MAVS: variants seen among roughly 807,000 people sequenced by gnomAD.
MAVS encodes mitochondrial antiviral signaling protein, also known as mitochondrial antiviral-signaling protein.
MAVS carries 20 observed loss-of-function variants against 30.2 expected under a neutral mutation model. The observed-to-expected ratio is 0.66, with a 90% CI of 0.47 to 0.96. The LOEUF (loss-of-function observed/expected upper bound fraction) is 0.96, where lower values mean the gene tolerates loss of function less well. Among genes scored for constraint, MAVS ranks in the 40% least tolerant of loss-of-function variants. MAVS has a pLI of 0.00. For synonymous variants in MAVS, 278 were observed against 293.9 expected (o/e 0.95, Z 0.55); for missense variants, 624 against 701.1 (o/e 0.89, Z 1.24).
intron 2 of MAVS, among the ~76,000 whole-genome samples, chr20:3,857,382 A>G (rs1183155302): frequency 1.3e-5 from 2 of 152,216 alleles, no homozygotes; most frequent in Non-Finnish European, 2.9e-5. Flanking sequence ...AAGATGATAC[A>G]TGCAAAGCCC....
Position 3,853,737 on chromosome 20 carries a change from T to A in MAVS, c.-67-821T>A, listed in dbSNP as rs1045112671. Among the ~76,000 whole-genome samples, 86 of 151,962 alleles carry A rather than the reference T, an allele frequency of 5.7e-4. 1 individual carries two copies. Among genetic ancestry groups the A allele is most frequent in the Non-Finnish European group, 3.2e-4 (22 of 67,978 alleles). On this transcript the variant is annotated intron_variant, in intron 1 of 6. Coordinates refer to ENST00000428216, the MANE Select transcript of MAVS (RefSeq NM_020746.5). Reference sequence around the variant, plus strand: ...TGAGCCCACGAGTTCGAGGCTGCAGTGAACTATTATTGCACCACTGCACCC... The same window carrying A: ...TGAGCCCACGAGTTCGAGGCTGCAGAGAACTATTATTGCACCACTGCACCC...
intron 1 of MAVS, among the ~76,000 whole-genome samples, chr20:3,847,989 T>C (rs1333454461): frequency 1.3e-5 from 2 of 152,200 alleles, no homozygotes; most frequent in African/African-American, 4.8e-5. Context: ...TCCTTTTGTT[T>C]GGGCCACATC....
At position 3,854,575 on chromosome 20, in the gene MAVS, C is replaced by G. The variant is rs753599148; in HGVS notation, c.-50C>G. On this transcript the variant is annotated 5_prime_UTR_variant, in exon 2 of 7. Transcript: ENST00000428216. ...TCTTCCAGTCTCGTTTCCTCTCAGTCCATCCACCCTTCATGGGGCCAGAGC... is the reference window on the plus strand; with the variant it reads ...TCTTCCAGTCTCGTTTCCTCTCAGTGCATCCACCCTTCATGGGGCCAGAGC... The G allele has an allele frequency of 1.2e-5, 16 of 1,325,642 alleles. No homozygotes were observed. Among genetic ancestry groups the G allele is most frequent in the Non-Finnish European group, 1.7e-5 (16 of 928,120 alleles). 82.1% of individuals were successfully genotyped at this position (1,325,642 alleles called of 1,614,324 possible). A position where few individuals can be genotyped will look rare whatever the true frequency, so the allele number is the denominator to read the frequency against.
rs762482662 is a variant in MAVS, at chr20:3,861,404, C to G, written c.365C>G (p.Pro122Arg). Residue 122 changes from proline (P) to arginine (R), a missense_variant, in exon 4 of 7, where the codon CCT (proline) becomes CGT (arginine). Coordinates refer to ENST00000428216, the MANE Select transcript of MAVS (RefSeq NM_020746.5). ...LPAERPGPPT[P>R]AAAHSIPYNS... is the part of the protein sequence containing the mutation. ...GCTGAGAGGCCAGGGCCCCCCACAC[C>G]TGCTGCGGCCCACAGCATCCCCTAC... The G allele has an allele frequency of 3.7e-6, 6 of 1,614,128 alleles. No individual in the cohort carries two copies. Among genetic ancestry groups the G allele is most frequent in the Non-Finnish European group, 5.1e-6 (6 of 1,180,004 alleles).
At position 3,865,164 on chromosome 20, in the gene MAVS, C is replaced by G. The variant is rs1489462312; in HGVS notation, c.1158+376C>G. 6.6e-6 allele frequency among the ~76,000 whole-genome samples: 1 copy of G among 152,238 alleles called. No homozygotes were observed. The highest frequency in any genetic ancestry group is 2.4e-5 in the African/African-American group (1 of 41,462). On this transcript the variant is annotated intron_variant, in intron 6 of 6. Coordinates refer to ENST00000428216, the MANE Select transcript of MAVS (RefSeq NM_020746.5). This position sits in a 1 kb window ranked among gnomAD's most constrained non-coding sequence, Gnocchi z 4.7. ...TGGCCCATCTGCCTCTTGCCTTGCT[C>G]TTCACCAGGATGCCTGGTGTGTCCC...
chr20:3,854,891 CTTTTTTTT>C (rs61256246), intron 2 of MAVS, 150 bp downstream of exon 2: 1 of 303,536 alleles, frequency 3.3e-6, no homozygotes, highest in East Asian at 7.5e-5. Flanking sequence ...TGCTGCTTTT[CTTTTTTTT>C]TTTTTTTTTT....
chr20:3,848,865 CTT>C (rs1353385395), intron 1 of MAVS, among the ~76,000 whole-genome samples: 16 of 152,124 alleles, frequency 1.1e-4, no homozygotes, highest in Non-Finnish European at 1.8e-4. Context: ...AGGAGTCATG[CTT>C]CTTTTCTCTC....
chr20:3,859,891 A>G (rs371831405), intron 3 of MAVS, among the ~76,000 whole-genome samples: 30 of 151,094 alleles, frequency 2.0e-4, no homozygotes, highest in African/African-American at 7.0e-4. Flanking sequence ...ATCTCAGCTC[A>G]CTGCAAGCTC....
At chr20:3,850,296 A>G (rs923508503) in intron 1 of MAVS, among the ~76,000 whole-genome samples, 2 of 146,824 alleles carry the variant, frequency 1.4e-5, no homozygotes, top group Non-Finnish European at 3.0e-5. Context: ...AAAAAAAAAA[A>G]AAAGAAATTT....
Position 3,867,421 on chromosome 20 carries a change from C to A in MAVS, c.*1274C>A. ...GTCCAGGCATGCTGGGCAACAGGGA[C>A]CCCATCTCTACAAAAAAGTTTAAAA... On this transcript the variant is annotated 3_prime_UTR_variant, in exon 7 of 7. Transcript: ENST00000428216. The A allele has an allele frequency of 5.3e-6, 1 of 187,558 alleles. No individual in the cohort carries two copies. The highest frequency in any genetic ancestry group is 5.4e-5 in the Admixed American group (1 of 18,488). 11.6% of individuals were successfully genotyped at this position (187,558 alleles called of 1,614,324 possible). A position where few individuals can be genotyped will look rare whatever the true frequency, so the allele number is the denominator to read the frequency against.
In MAVS at chr20:3,872,772, T is replaced by C. The variant is rs962835535; in HGVS notation, c.*6625T>C. On this transcript the variant is annotated 3_prime_UTR_variant, in exon 7 of 7. Coordinates refer to ENST00000428216, the MANE Select transcript of MAVS (RefSeq NM_020746.5). ...TTCAAGTGGTTGGGGACGTTCATGA[T>C]TGTGGTACAGACAAATAGGCTTTCA... 1 of 152,404 alleles carries C rather than the reference T, an allele frequency of 6.6e-6. No individual in the cohort carries two copies. The highest frequency in any genetic ancestry group is 2.4e-5 in the African/African-American group (1 of 41,478). The allele number at this position is 152,404 out of a possible 1,614,324, so 9.4% of individuals were successfully genotyped here. A position where few individuals can be genotyped will look rare whatever the true frequency, so the allele number is the denominator to read the frequency against.
chr20:3,866,626 C>G lies in MAVS; in HGVS notation c.*479C>G, dbSNP rs981554550. On this transcript the variant is annotated 3_prime_UTR_variant, in exon 7 of 7. Transcript: ENST00000428216. Reference sequence around the variant, plus strand: ...CCATCCTGGCAGCCCAGCCTGAGACCGTTGCATTGAGGCAGGCAGGAGCGG... The same window carrying G: ...CCATCCTGGCAGCCCAGCCTGAGACGGTTGCATTGAGGCAGGCAGGAGCGG... 2.3e-5 allele frequency: 8 copies of G among 354,834 alleles called. No homozygotes were observed. Among genetic ancestry groups the G allele is most frequent in the African/African-American group, 1.7e-4 (8 of 46,730 alleles). The allele number at this position is 354,834 out of a possible 1,614,324, so 22.0% of individuals were successfully genotyped here.
chr20:3,861,592 C>T (rs530721733), intron 4 of MAVS, 88 bp downstream of exon 4: 18 of 1,388,558 alleles, frequency 1.3e-5, no homozygotes, highest in African/African-American at 4.3e-5. Flanking sequence ...AACCCTCTCC[C>T]GTCCCCTATA....
intron 1 of MAVS, among the ~76,000 whole-genome samples, chr20:3,847,541 T>C (rs777329501): frequency 2.6e-5 from 4 of 151,996 alleles, no homozygotes; most frequent in Non-Finnish European, 5.9e-5. Context: ...CAAGAAAACA[T>C]GAAACAAACC....
intron 1 of MAVS, among the ~76,000 whole-genome samples, chr20:3,848,365 C>A (rs2146751732): frequency 6.6e-6 from 1 of 152,314 alleles, no homozygotes; most frequent in East Asian, 1.9e-4. Context: ...TCCCAAAGTG[C>A]TGGGATTCCA....
At chr20:3,862,640 C>T (rs547540857) in intron 5 of MAVS, among the ~76,000 whole-genome samples, 1 of 152,230 alleles carries the variant, frequency 6.6e-6, no homozygotes, top group African/African-American at 2.4e-5. Flanking sequence ...TAAAATACAG[C>T]CATTTATTTA....
In MAVS at chr20:3,874,165, G is replaced by A. The variant is rs531335103; in HGVS notation, c.*8018G>A. ...ATGAGGTCAAGCAAAAGAGGTCAGA[G>A]TCCTCATCATCAAGAGAGAATTCAT... is the stretch of plus-strand genomic sequence containing the variant. On this transcript the variant is annotated 3_prime_UTR_variant, in exon 7 of 7. Coordinates refer to ENST00000428216, the MANE Select transcript of MAVS (RefSeq NM_020746.5). The A allele has an allele frequency of 7.5e-6, 3 of 398,626 alleles. No homozygotes were observed. The highest frequency in any genetic ancestry group is 1.3e-5 in the Non-Finnish European group (3 of 226,080). 24.7% of individuals were successfully genotyped at this position (398,626 alleles called of 1,614,324 possible).
chr20:3,870,477 T>C lies in MAVS; in HGVS notation c.*4330T>C, dbSNP rs976337518. Reference sequence around the variant, plus strand: ...ACCCTCGCCTTAATTCCTTGCTAGGTGTTCTCAGATTTATGAGACTTCTTA... The same window carrying C: ...ACCCTCGCCTTAATTCCTTGCTAGGCGTTCTCAGATTTATGAGACTTCTTA... On this transcript the variant is annotated 3_prime_UTR_variant, in exon 7 of 7. Transcript: ENST00000428216. 2.6e-5 allele frequency: 4 copies of C among 151,738 alleles called. No homozygotes were observed. The highest frequency in any genetic ancestry group is 9.7e-5 in the African/African-American group (4 of 41,274). The allele number at this position is 151,738 out of a possible 1,614,324, so 9.4% of individuals were successfully genotyped here.
chr20:3,865,679 C>G lies in MAVS; in HGVS notation c.1159-4C>G. ...CCCTTCCAGTGCTCTCCTTTCTTTC[C>G]CAGGAGACCCCAGCAGCTCCAACAC... On this transcript the variant is annotated splice_region_variant and splice_polypyrimidine_tract_variant and intron_variant, in intron 6 of 6. Coordinates refer to ENST00000428216, the MANE Select transcript of MAVS (RefSeq NM_020746.5). This position sits in a 1 kb window ranked among gnomAD's most constrained non-coding sequence, Gnocchi z 4.7. The G allele has an allele frequency of 6.3e-7, 1 of 1,596,052 alleles. No homozygotes were observed. The highest frequency in any genetic ancestry group is 8.5e-7 in the Non-Finnish European group (1 of 1,170,032).
Sources: gnomAD v4.1 joint callset for allele counts (sites outside exome capture counted in the v4.1 genomes callset) on GRCh38, gnomAD v4.1.1 for gene constraint, Gnocchi (gnomAD v3.1) non-coding constraint, MANE v1.5 for transcripts, NCBI Gene and HGNC (gene_info 2026-07-23, HGNC 2026-07-21) for gene names.